Variants in SLC2A13 observed in about 807,000 individuals in gnomAD.
The protein encoded by SLC2A13 is solute carrier family 2 member 13, also known as proton myo-inositol cotransporter.
In SLC2A13, 32 loss-of-function variants were observed where a neutral mutation model predicts 64.4. The ratio of observed to expected loss-of-function variants is 0.50; its 90% CI spans 0.37 to 0.67. The LOEUF (loss-of-function observed/expected upper bound fraction) is 0.67, where lower values mean the gene tolerates loss of function less well. Among genes scored for constraint, SLC2A13 ranks in the 30% least tolerant of loss-of-function variants. SLC2A13 has a pLI of 0.00. For synonymous variants in SLC2A13, 338 were observed against 327.1 expected (o/e 1.03, Z -0.36); for missense variants, 743 against 829.2 (o/e 0.90, Z 1.28).
intron 1 of SLC2A13, among the ~76,000 whole-genome samples, chr12:40,058,582 G>A (rs563937010): frequency 2.6e-5 from 4 of 152,148 alleles, no homozygotes; most frequent in Non-Finnish European, 5.9e-5. Context: ...TCTTTACTAT[G>A]CAGCCAAAAT....
In SLC2A13 at chr12:39,757,744, A is replaced by G. The variant is rs10735885; in HGVS notation, c.*2282T>C. ...ATAAAGTTGAAAACATTGTTTTCTT[A>G]TATCAGGGAGAACAGGCCATGTTCT... On this transcript the variant is annotated 3_prime_UTR_variant, in exon 10 of 10. Coordinates refer to ENST00000280871, the MANE Select transcript of SLC2A13 (RefSeq NM_052885.4). 110,108 of 151,892 alleles carry G rather than the reference A, an allele frequency of 0.72. 41,690 individuals carry two copies. Among genetic ancestry groups the G allele is most frequent in the Non-Finnish European group, 0.84 (56,499 of 67,580 alleles). The allele number at this position is 151,892 out of a possible 1,614,324, so 9.4% of individuals were successfully genotyped here.
intron 7 of SLC2A13, among the ~76,000 whole-genome samples, chr12:39,777,099 C>T (rs769237582): frequency 9.8e-5 from 15 of 152,292 alleles, no homozygotes; most frequent in South Asian, 4.1e-4. Context: ...TCGGAATCTG[C>T]GTCCTTGTCA....
chr12:39,869,051 G>A (rs572834151), intron 5 of SLC2A13, among the ~76,000 whole-genome samples: 13 of 152,066 alleles, frequency 8.5e-5, no homozygotes, highest in African/African-American at 2.2e-4. Context: ...TTAAAAATTC[G>A]AGGCTATAGC....
chr12:39,896,361 T>C (rs562460516), intron 4 of SLC2A13, among the ~76,000 whole-genome samples: 5 of 140,250 alleles, frequency 3.6e-5, no homozygotes, highest in South Asian at 2.2e-4. Flanking sequence ...TGTATATGTG[T>C]ATATATGTAT....
At chr12:39,962,983 T>G (rs1008444334) in intron 3 of SLC2A13, among the ~76,000 whole-genome samples, 1 of 152,178 alleles carries the variant, frequency 6.6e-6, no homozygotes, top group African/African-American at 2.4e-5. Context: ...CATAGCTGAA[T>G]ACAATTTCAA....
intron 1 of SLC2A13, among the ~76,000 whole-genome samples, chr12:40,064,712 C>G (rs1309342810): frequency 6.6e-6 from 1 of 152,074 alleles, no homozygotes; most frequent in African/African-American, 2.4e-5. Context: ...TTACTGTTTC[C>G]ATCAAGGATG....
Position 39,828,525 on chromosome 12 carries a change from T to A in SLC2A13, c.1445+1578A>T, listed in dbSNP as rs115549712. 1.9e-3 allele frequency among the ~76,000 whole-genome samples: 293 copies of A among 152,264 alleles called. 2 individuals are homozygous for A. The highest frequency in any genetic ancestry group is 6.6e-3 in the African/African-American group (276 of 41,574). ...TTGCAAAAAAGCCAAAACTCCTGCT[T>A]TGAGGCCTCTGACCTCTAACTCTTC... On this transcript the variant is annotated intron_variant, in intron 7 of 9. Transcript: ENST00000280871.
intron 7 of SLC2A13, among the ~76,000 whole-genome samples, chr12:39,778,726 C>T (rs945893833): frequency 1.3e-5 from 2 of 152,114 alleles, no homozygotes; most frequent in African/African-American, 4.8e-5. Flanking sequence ...CATGAGTATA[C>T]ATACATTGCC....
chr12:39,809,693 T>C (rs1942086293), intron 7 of SLC2A13, among the ~76,000 whole-genome samples: 1 of 152,134 alleles, frequency 6.6e-6, no homozygotes, highest in Non-Finnish European at 1.5e-5. Context: ...TGTGTGATGT[T>C]CCCCTTCCTG....
intron 4 of SLC2A13, among the ~76,000 whole-genome samples, chr12:39,900,353 G>A (rs1472829588): frequency 1.3e-5 from 2 of 152,090 alleles, no homozygotes; most frequent in Non-Finnish European, 2.9e-5. Context: ...CGATTAGGCA[G>A]AAAGAAATAA....
chr12:39,812,996 ATTTTTTTTTT>A (rs71449493), intron 7 of SLC2A13, among the ~76,000 whole-genome samples: 500 of 40,620 alleles, frequency 0.012, 12 homozygotes, highest in African/African-American at 0.041. Context: ...TGCCCAGCTA[ATTTTTTTTTT>A]TTTTTTTTTT....
chr12:39,922,316 C>A (rs772141325), intron 4 of SLC2A13, among the ~76,000 whole-genome samples: 3 of 152,128 alleles, frequency 2.0e-5, no homozygotes, highest in Non-Finnish European at 4.4e-5. Context: ...CAGAAGATAA[C>A]CCCCACCCTG....
intron 1 of SLC2A13, among the ~76,000 whole-genome samples, chr12:40,093,965 C>G (rs1345337435): frequency 6.6e-6 from 1 of 151,976 alleles, no homozygotes; most frequent in Non-Finnish European, 1.5e-5. Flanking sequence ...AAAAAGAAAG[C>G]AGAGGGGTCA....
intron 4 of SLC2A13, among the ~76,000 whole-genome samples, chr12:39,920,688 T>C (rs902713230): frequency 1.2e-4 from 19 of 152,050 alleles, no homozygotes; most frequent in African/African-American, 4.6e-4. Flanking sequence ...AATACTGCAC[T>C]TTACCAAGTT....
At chr12:40,102,022 C>CACCT (rs1939168085) in intron 1 of SLC2A13, among the ~76,000 whole-genome samples, 1 of 152,188 alleles carries the variant, frequency 6.6e-6, no homozygotes, top group African/African-American at 2.4e-5. Flanking sequence ...ATCTGCTGAA[C>CACCT]ACCTACTCAC....
chr12:39,880,540 TCAAG>T (rs1944314090), intron 4 of SLC2A13, among the ~76,000 whole-genome samples: 1 of 152,154 alleles, frequency 6.6e-6, no homozygotes, highest in African/African-American at 2.4e-5. Flanking sequence ...TACCATTAAA[TCAAG>T]CAATGATACA....
At chr12:39,805,423 C>G (rs1045522078) in intron 7 of SLC2A13, among the ~76,000 whole-genome samples, 3 of 151,796 alleles carry the variant, frequency 2.0e-5, no homozygotes, top group Non-Finnish European at 4.4e-5. Context: ...AAGTGGGAAT[C>G]TGGGTACATC....
At chr12:40,071,074 CCAG>C (rs1343088660) in intron 1 of SLC2A13, among the ~76,000 whole-genome samples, 4 of 152,142 alleles carry the variant, frequency 2.6e-5, no homozygotes, top group Admixed American at 1.3e-4. Context: ...ATTTGCTAAA[CCAG>C]CAGAAGTTTT....
chr12:39,997,259 A>C (rs1947247150), intron 3 of SLC2A13, among the ~76,000 whole-genome samples: 1 of 152,208 alleles, frequency 6.6e-6, no homozygotes. Flanking sequence ...GACCTTCAAC[A>C]AAGCAAACAA....
Sources: gnomAD v4.1 joint callset for allele counts (sites outside exome capture counted in the v4.1 genomes callset) on GRCh38, gnomAD v4.1.1 for gene constraint, MANE v1.5 for transcripts, NCBI Gene and HGNC (gene_info 2026-07-23, HGNC 2026-07-21) for gene names.